The following OSBPL5 variants were observed in gnomAD, a reference collection of about 807,000 sequenced individuals.
OSBPL5 encodes the protein oxysterol binding protein like 5.
A neutral mutation model predicts 111.2 loss-of-function variants in OSBPL5; 71 were observed. That is an observed-to-expected ratio of 0.64 (90% CI 0.53 to 0.78). The LOEUF (loss-of-function observed/expected upper bound fraction) is 0.78, where lower values mean the gene tolerates loss of function less well. OSBPL5 is among the 30% of genes least tolerant of loss of function. OSBPL5 has a pLI of 0.00. For synonymous variants in OSBPL5, 549 were observed against 513.9 expected (o/e 1.07, Z -0.93); for missense variants, 1,210 against 1,189.3 (o/e 1.02, Z -0.26).
At chr11:3,096,965 G>C (rs56191542) in intron 14 of OSBPL5, among the ~76,000 whole-genome samples, 24 of 147,306 alleles carry the variant, frequency 1.6e-4, no homozygotes, top group South Asian at 6.8e-4. Context: ...AGGAGGAGAA[G>C]AGGAAAGAGG....
intron 1 of OSBPL5, among the ~76,000 whole-genome samples, chr11:3,135,069 A>G (rs969843030): frequency 6.6e-6 from 1 of 152,206 alleles, no homozygotes; most frequent in Non-Finnish European, 1.5e-5. Context: ...TCGGAGACCC[A>G]GCCCCTTTGT....
intron 7 of OSBPL5, among the ~76,000 whole-genome samples, chr11:3,108,274 C>T (rs1169548199): frequency 6.6e-6 from 1 of 151,572 alleles, no homozygotes; most frequent in Non-Finnish European, 1.5e-5. Flanking sequence ...CACGCACCTC[C>T]ACCACCCACA....
At chr11:3,112,057 A>ATGTGTATGTGTG (rs1857991966) in intron 7 of OSBPL5, among the ~76,000 whole-genome samples, 20 of 118,162 alleles carry the variant, frequency 1.7e-4, no homozygotes, top group African/African-American at 6.4e-4. Flanking sequence ...ATGTGTGTGC[A>ATGTGTATGTGTG]TGTGTATGTG....
rs1011777668 is a variant in OSBPL5 at position 3,161,568 on chromosome 11, G to A, written c.-22+3648C>T. Among the ~76,000 whole-genome samples, 1 of 152,156 alleles carries A rather than the reference G, an allele frequency of 6.6e-6. No individual in the cohort carries two copies. Among genetic ancestry groups the A allele is most frequent in the African/African-American group, 2.4e-5 (1 of 41,442 alleles). On this transcript the variant is annotated intron_variant, in intron 1 of 21. Coordinates refer to ENST00000263650, the MANE Select transcript of OSBPL5 (RefSeq NM_020896.4). The surrounding 1 kb of genome is among the most constrained non-coding windows in gnomAD (Gnocchi z 8.0). ...GAACACCTACTGTGTGCCAGCCCCT[G>A]GGAAGAGAGCCCGGAGCAGACTTGC...
intron 3 of OSBPL5, among the ~76,000 whole-genome samples, chr11:3,124,998 T>C (rs1052749888): frequency 3.3e-5 from 5 of 152,190 alleles, no homozygotes; most frequent in Admixed American, 2.6e-4. Flanking sequence ...GGCAGGACCC[T>C]TGGGTCTGGT....
At chr11:3,102,155 A>G in intron 12 of OSBPL5, 28 bp downstream of exon 12, 1 of 1,494,864 alleles carries the variant, frequency 6.7e-7, no homozygotes, top group Non-Finnish European at 9.1e-7. Context: ...CCCAGCACCC[A>G]GGCCGGTTGC....
Position 3,121,263 on chromosome 11 carries a change from G to A in OSBPL5, c.403-639C>T, listed in dbSNP as rs1858407013. 6.6e-6 allele frequency among the ~76,000 whole-genome samples: 1 copy of A among 152,102 alleles called. No homozygotes were observed. Among genetic ancestry groups the A allele is most frequent in the South Asian group, 2.1e-4 (1 of 4,794 alleles). On this transcript the variant is annotated intron_variant, in intron 5 of 21. Coordinates refer to ENST00000263650, the MANE Select transcript of OSBPL5 (RefSeq NM_020896.4). The surrounding 1 kb of genome is among the most constrained non-coding windows in gnomAD (Gnocchi z 4.3). ...AGTAGAGACGGGGTTTTGCCATTTT[G>A]GACAGGCTGGTCTCAAACTCCTGAC...
chr11:3,102,433 C>T (rs1328446193), intron 11 of OSBPL5, 152 bp from the exon 12 acceptor site: 13 of 691,934 alleles, frequency 1.9e-5, no homozygotes, highest in Non-Finnish European at 3.1e-5. Context: ...CAACACCTCA[C>T]TTCTGCTTTG....
intron 11 of OSBPL5, 120 bp from the exon 12 acceptor site, chr11:3,102,401 G>T: frequency 1.2e-6 from 1 of 867,602 alleles, no homozygotes. Context: ...TGCTGGCCTG[G>T]TTTGCTGCTA....
chr11:3,094,140 G>T, intron 15 of OSBPL5, 97 bp downstream of exon 15: 1 of 1,225,764 alleles, frequency 8.2e-7, no homozygotes, highest in Non-Finnish European at 1.2e-6. Context: ...CACTGCCTTG[G>T]GGAACCTTCC....
rs61503147 is a variant in OSBPL5 at position 3,150,631 on chromosome 11, G to T, written c.-22+14585C>A. Among the ~76,000 whole-genome samples, 23 of 152,164 alleles carry T rather than the reference G, an allele frequency of 1.5e-4. 1 individual carries two copies. The highest frequency in any genetic ancestry group is 6.8e-3 in the Middle Eastern group (2 of 294). ...AGCTCACTGGAGAAACATGCCTCTG[G>T]GGGGAGCAGAACTCTTCCCTTCCCC... On this transcript the variant is annotated intron_variant, in intron 1 of 21. Coordinates refer to ENST00000263650, the MANE Select transcript of OSBPL5 (RefSeq NM_020896.4).
rs116779400 is a variant in OSBPL5, at chr11:3,142,219, G to A, written c.-21-13050C>T. Among the ~76,000 whole-genome samples, 1,601 of 152,326 alleles carry A rather than the reference G, an allele frequency of 0.011. 28 individuals are homozygous for A. The highest frequency in any genetic ancestry group is 0.037 in the African/African-American group (1,520 of 41,570). ...CAGGCGTGAGCCACCGTGCCCGGCCGACAGCTGGTTTCTGAGGCCAAGAGA... is the reference window on the plus strand; with the variant it reads ...CAGGCGTGAGCCACCGTGCCCGGCCAACAGCTGGTTTCTGAGGCCAAGAGA... On this transcript the variant is annotated intron_variant, in intron 1 of 21. Transcript: ENST00000263650. This position sits in a 1 kb window ranked among gnomAD's most constrained non-coding sequence, Gnocchi z 7.1.
rs929339538 is a variant in OSBPL5 at position 3,120,272 on chromosome 11, C to A, written c.606+149G>T. 1.5e-5 allele frequency: 14 copies of A among 943,850 alleles called. No homozygotes were observed. In the South Asian group the frequency reaches 2.0e-4, roughly 13 times the overall value. The allele number at this position is 943,850 out of a possible 1,614,324, so 58.5% of individuals were successfully genotyped here. A position where few individuals can be genotyped will look rare whatever the true frequency, so the allele number is the denominator to read the frequency against. Reference sequence around the variant, plus strand: ...CCAGTGGCCATATCTGATCCCCTGGCCGCATGTGGGGCTCAGAGAAGGTGA... The same window carrying A: ...CCAGTGGCCATATCTGATCCCCTGGACGCATGTGGGGCTCAGAGAAGGTGA... On this transcript the variant is annotated intron_variant, in intron 6 of 21. Transcript: ENST00000263650.
intron 7 of OSBPL5, among the ~76,000 whole-genome samples, chr11:3,115,230 G>T (rs1858169193): frequency 6.6e-6 from 1 of 152,124 alleles, no homozygotes; most frequent in East Asian, 1.9e-4. Context: ...CAGATTTTAT[G>T]TTTTATCAAA....
At chr11:3,120,298 GACAC>G (rs1489419977) in intron 6 of OSBPL5, 119 bp downstream of exon 6, 2 of 1,213,762 alleles carry the variant, frequency 1.6e-6, no homozygotes, top group African/African-American at 3.0e-5. Context: ...GAGAAGGTGA[GACAC>G]CTGCTCAAGG....
rs572397638 is a variant in OSBPL5 at position 3,109,245 on chromosome 11, T to A, written c.692-1300A>T. Among the ~76,000 whole-genome samples, 1 of 151,778 alleles carries A rather than the reference T, an allele frequency of 6.6e-6. No individual in the cohort carries two copies. Among genetic ancestry groups the A allele is most frequent in the African/African-American group, 2.4e-5 (1 of 41,386 alleles). Reference sequence around the variant, plus strand: ...TGGGATTACAGGTGCCTGCCTGTAATTTTTTTGTATTTTTAGTAGAGATGG... The same window carrying A: ...TGGGATTACAGGTGCCTGCCTGTAAATTTTTTGTATTTTTAGTAGAGATGG... On this transcript the variant is annotated intron_variant, in intron 7 of 21. Transcript: ENST00000263650. This position sits in a 1 kb window ranked among gnomAD's most constrained non-coding sequence, Gnocchi z 7.4.
chr11:3,160,377 G>A (rs1252624696), intron 1 of OSBPL5, among the ~76,000 whole-genome samples: 1 of 152,036 alleles, frequency 6.6e-6, no homozygotes, highest in Non-Finnish European at 1.5e-5. Flanking sequence ...GCAATAGGCG[G>A]GCAGGAGCGG....
chr11:3,115,670 G>C (rs1198384801), intron 7 of OSBPL5, among the ~76,000 whole-genome samples: 1 of 152,180 alleles, frequency 6.6e-6, no homozygotes, highest in Non-Finnish European at 1.5e-5. Context: ...ATGGGCCCCT[G>C]TGTCAGATTA....
intron 1 of OSBPL5, among the ~76,000 whole-genome samples, chr11:3,151,981 AG>A (rs2134544219): frequency 1.3e-5 from 2 of 152,370 alleles, no homozygotes; most frequent in Admixed American, 1.3e-4. Flanking sequence ...CACGTCACCG[AG>A]GCTTCTGGTG....
Sources: allele counts gnomAD v4.1 joint callset (sites outside exome capture counted in the v4.1 genomes callset), GRCh38; gene constraint gnomAD v4.1.1; non-coding constraint Gnocchi (gnomAD v3.1); transcripts MANE v1.5; gene names NCBI Gene and HGNC (gene_info 2026-07-23, HGNC 2026-07-21).